ESYT2: variants seen among roughly 807,000 people sequenced by gnomAD.
The protein encoded by ESYT2 is extended synaptotagmin 2, also known as extended synaptotagmin-2.
In ESYT2, 54 loss-of-function variants were observed where a neutral mutation model predicts 107.2. The observed-to-expected ratio is 0.50, with a 90% CI of 0.40 to 0.63. The LOEUF is 0.63. Ranked by LOEUF, ESYT2 falls within the 30% of genes least tolerant of loss-of-function variation. The pLI is 0.00. For synonymous variants in ESYT2, 491 were observed against 434.1 expected (o/e 1.13, Z -1.63); for missense variants, 1,020 against 1,094.5 (o/e 0.93, Z 0.96).
chr7:158,764,001 C>T (rs1321043325), intron 9 of ESYT2, among the ~76,000 whole-genome samples: 5 of 152,218 alleles, frequency 3.3e-5, no homozygotes, highest in South Asian at 4.2e-4. Flanking sequence ...TCTACACATA[C>T]GTCAGTCCTT....
chr7:158,748,403 C>T (rs1159340631), intron 15 of ESYT2, 123 bp from the exon 16 acceptor site: 3 of 742,762 alleles, frequency 4.0e-6, no homozygotes, highest in Non-Finnish European at 6.6e-6. Flanking sequence ...AAACTAGAAG[C>T]TTAGGTTGAC....
chr7:158,777,222 G>T (rs1443706577), intron 6 of ESYT2, among the ~76,000 whole-genome samples: 2 of 152,062 alleles, frequency 1.3e-5, no homozygotes, highest in Non-Finnish European at 2.9e-5. Flanking sequence ...CCACTGCAGG[G>T]TTGTGAATTC....
At chr7:158,824,816 G>GA (rs770076250) in intron 1 of ESYT2, among the ~76,000 whole-genome samples, 4 of 152,140 alleles carry the variant, frequency 2.6e-5, no homozygotes, top group Non-Finnish European at 4.4e-5. Flanking sequence ...AAATAGTAAT[G>GA]AAAAATTGCC....
At chr7:158,798,925 C>T in intron 2 of ESYT2, 106 bp downstream of exon 2, 1 of 1,154,394 alleles carries the variant, frequency 8.7e-7, no homozygotes, top group Non-Finnish European at 1.3e-6. Context: ...CACTAAAGTC[C>T]AAACGAGCTC....
At position 158,788,380 on chromosome 7, in the gene ESYT2, G is replaced by A. The variant is rs1236249785; in HGVS notation, c.622C>T (p.Arg208Ter). ...TTCACACCAGCTCTACAAAAATATC[G>A]TTTGATCTCCAAATCAATCTCACAA... ...GNCEIDLEIKRYFCRAGVKSI... is the reference protein window; with the variant it reads ...GNCEIDLEIK The change falls in exon 5 of 23, where the codon CGA becomes TGA. Residue 208 changes from arginine to a stop codon, truncating the protein, a stop_gained. Transcript: ENST00000275418. LOFTEE classifies it high-confidence loss of function. 8.1e-6 allele frequency: 13 copies of A among 1,611,248 alleles called. No homozygotes were observed. The highest frequency in any genetic ancestry group is 1.7e-5 in the Admixed American group (1 of 59,456).
At chr7:158,828,301 A>C (rs1355571630) in intron 1 of ESYT2, among the ~76,000 whole-genome samples, 1 of 152,238 alleles carries the variant, frequency 6.6e-6, no homozygotes, top group African/African-American at 2.4e-5. Flanking sequence ...AGAGAAGGAA[A>C]AGCTGAAGCC....
chr7:158,820,760 T>C (rs903595914), intron 1 of ESYT2, among the ~76,000 whole-genome samples: 1 of 152,224 alleles, frequency 6.6e-6, no homozygotes, highest in African/African-American at 2.4e-5. Flanking sequence ...CACTCCAGTC[T>C]GGGCAACAGA....
chr7:158,819,866 C>G (rs185841630), intron 1 of ESYT2, among the ~76,000 whole-genome samples: 1 of 152,144 alleles, frequency 6.6e-6, no homozygotes. Context: ...GTTTCAATGA[C>G]AATTTTACAA....
intron 4 of ESYT2, 92 bp from the exon 5 acceptor site, chr7:158,788,509 G>T (rs1001696510): frequency 1.8e-6 from 2 of 1,108,084 alleles, no homozygotes; most frequent in East Asian, 2.6e-5. Flanking sequence ...TGAATAAAAT[G>T]ATAGTAAAGC....
chr7:158,791,277 T>C (rs762327878), intron 4 of ESYT2, among the ~76,000 whole-genome samples: 6 of 152,088 alleles, frequency 3.9e-5, no homozygotes, highest in Admixed American at 1.3e-4. Context: ...GGAGCAGGAG[T>C]CCCGTGTTTC....
At chr7:158,827,900 G>T (rs1462868656) in intron 1 of ESYT2, among the ~76,000 whole-genome samples, 1 of 152,182 alleles carries the variant, frequency 6.6e-6, no homozygotes, top group East Asian at 1.9e-4. Flanking sequence ...TCATGGCTAA[G>T]AAAGAATTAG....
chr7:158,766,744 G>C lies in ESYT2; in HGVS notation c.924+910C>G, dbSNP rs371746783. ...AAACAGGACCAACTTACCACGTCCT[G>C]TTTCAGTAAATATAAATAATGTGGT... On this transcript the variant is annotated intron_variant, in intron 8 of 22. Coordinates refer to ENST00000275418, the MANE Select transcript of ESYT2 (RefSeq NM_001367773.1). Among the ~76,000 whole-genome samples the C allele has an allele frequency of 7.2e-5, 11 of 152,324 alleles. No homozygotes were observed. The East Asian group carries it at 1.9e-3, about 27-fold the overall frequency.
At chr7:158,784,830 C>G (rs370530975) in intron 6 of ESYT2, among the ~76,000 whole-genome samples, 1 of 152,130 alleles carries the variant, frequency 6.6e-6, no homozygotes, top group Non-Finnish European at 1.5e-5. Flanking sequence ...ATCTGCGGTT[C>G]AAAAGATACC....
chr7:158,771,475 G>A (rs781299853), intron 7 of ESYT2, among the ~76,000 whole-genome samples: 17 of 152,192 alleles, frequency 1.1e-4, no homozygotes, highest in East Asian at 1.9e-4. Context: ...CATCGGAGTC[G>A]CAGGAATCTG....
At chr7:158,795,972 C>T (rs543860607) in intron 3 of ESYT2, among the ~76,000 whole-genome samples, 1 of 152,206 alleles carries the variant, frequency 6.6e-6, no homozygotes, top group African/African-American at 2.4e-5. Context: ...ATTCTCTGCA[C>T]ACAGAAAGTC....
chr7:158,808,958 AGAGT>A (rs1005025421), intron 1 of ESYT2, among the ~76,000 whole-genome samples: 1 of 151,844 alleles, frequency 6.6e-6, no homozygotes, highest in Non-Finnish European at 1.5e-5. Context: ...CCTGGGTGAC[AGAGT>A]GAGATTCTAT....
At position 158,731,836 on chromosome 7, in the gene ESYT2, G is replaced by C. The variant is rs765447728; in HGVS notation, c.*2371C>G. ...ACGTTTTGACAACTCAAGAGTGTCT[G>C]ACATCGCTGGGATCCTGGAGTGCTG... On this transcript the variant is annotated 3_prime_UTR_variant, in exon 23 of 23. Coordinates refer to ENST00000275418, the MANE Select transcript of ESYT2 (RefSeq NM_001367773.1). 10 of 152,750 alleles carry C rather than the reference G, an allele frequency of 6.5e-5. No individual in the cohort carries two copies. Among genetic ancestry groups the C allele is most frequent in the Non-Finnish European group, 1.3e-4 (9 of 68,032 alleles). 9.5% of individuals were successfully genotyped at this position (152,750 alleles called of 1,614,324 possible). A position where few individuals can be genotyped will look rare whatever the true frequency, so the allele number is the denominator to read the frequency against.
intron 6 of ESYT2, among the ~76,000 whole-genome samples, chr7:158,785,886 AG>A (rs1177501885): frequency 6.6e-6 from 1 of 152,238 alleles, no homozygotes; most frequent in Non-Finnish European, 1.5e-5. Context: ...AGGTTTCGTA[AG>A]GGTTTCTAAA....
chr7:158,798,677 CTG>C lies in ESYT2; in HGVS notation c.372+352_372+353del, dbSNP rs1356640672. ...AAAAAAAAAAAAAAAAAAAAAAAGA[CTG>C]TTATTGATTATTGAATTTCTTGTAA... On this transcript the variant is annotated intron_variant, in intron 2 of 22. Transcript: ENST00000275418. Among the ~76,000 whole-genome samples the C allele has an allele frequency of 3.1e-4, 36 of 116,608 alleles. 1 individual carries two copies. The highest frequency in any genetic ancestry group is 1.4e-3 in the South Asian group (5 of 3,630). 76.5% of individuals were successfully genotyped at this position (116,608 alleles called of 152,430 possible).
Sources: gnomAD v4.1 joint callset for allele counts (sites outside exome capture counted in the v4.1 genomes callset) on GRCh38, gnomAD v4.1.1 for gene constraint, MANE v1.5 for transcripts, NCBI Gene and HGNC (gene_info 2026-07-23, HGNC 2026-07-21) for gene names.